The following SMYD3 variants were observed in gnomAD, a reference collection of about 807,000 sequenced individuals.
SMYD3 encodes the protein SET and MYND domain containing 3, also known as histone-lysine N-methyltransferase SMYD3.
Under a neutral mutation model 57.7 loss-of-function variants are expected in SMYD3, and 36 were observed. The observed-to-expected ratio is 0.62, with a 90% CI of 0.48 to 0.82. SMYD3 has a LOEUF of 0.82. SMYD3 is among the 40% of genes least tolerant of loss of function. The pLI is 0.00. For synonymous variants in SMYD3, 211 were observed against 195.0 expected (o/e 1.08, Z -0.68); for missense variants, 515 against 538.8 (o/e 0.96, Z 0.44).
chr1:246,088,453 C>A (rs1453108005), intron 5 of SMYD3, among the ~76,000 whole-genome samples: 1 of 143,652 alleles, frequency 7.0e-6, no homozygotes, highest in Non-Finnish European at 1.5e-5. Context: ...ACTAAAAATA[C>A]AAAAAAATTA....
intron 7 of SMYD3, among the ~76,000 whole-genome samples, chr1:245,918,772 C>T (rs2055640336): frequency 6.6e-6 from 1 of 152,164 alleles, no homozygotes; most frequent in African/African-American, 2.4e-5. Context: ...TCCCTATGTC[C>T]CCTCTTGGGT....
chr1:246,281,202 G>A (rs1558374021), intron 5 of SMYD3, among the ~76,000 whole-genome samples: 1 of 152,180 alleles, frequency 6.6e-6, no homozygotes, highest in Admixed American at 6.5e-5. Context: ...GAAGGAAGTG[G>A]GGTCCCCATT....
At chr1:246,349,194 T>A (rs969903965) in intron 2 of SMYD3, among the ~76,000 whole-genome samples, 4 of 152,172 alleles carry the variant, frequency 2.6e-5, no homozygotes, top group Non-Finnish European at 5.9e-5. Flanking sequence ...AAATAAAAAC[T>A]TTCATTTTTC....
chr1:245,929,293 A>T (rs1190763794), intron 6 of SMYD3, among the ~76,000 whole-genome samples: 1 of 152,236 alleles, frequency 6.6e-6, no homozygotes. Context: ...GAAAGTCTAA[A>T]TTTGTATTTG....
chr1:245,868,988 T>C (rs542633119), intron 8 of SMYD3, among the ~76,000 whole-genome samples: 2 of 152,362 alleles, frequency 1.3e-5, no homozygotes, highest in South Asian at 2.1e-4. Flanking sequence ...TTACTGTTTT[T>C]TATCACAGTC....
At chr1:246,162,232 G>A (rs1418394126) in intron 5 of SMYD3, among the ~76,000 whole-genome samples, 2 of 152,158 alleles carry the variant, frequency 1.3e-5, no homozygotes, top group African/African-American at 4.8e-5. Flanking sequence ...AGTGAAAAGA[G>A]AGTCTTACCT....
At chr1:246,206,062 C>T (rs897570787) in intron 5 of SMYD3, among the ~76,000 whole-genome samples, 13 of 152,020 alleles carry the variant, frequency 8.6e-5, no homozygotes, top group African/African-American at 1.5e-4. Context: ...TGGCAAGGAT[C>T]GGGCTTTCTA....
intron 5 of SMYD3, among the ~76,000 whole-genome samples, chr1:246,228,456 G>A (rs1005316304): frequency 6.6e-6 from 1 of 152,166 alleles, no homozygotes; most frequent in South Asian, 2.1e-4. Context: ...CCAACATTTT[G>A]AGGCATAAGA....
At chr1:246,412,457 G>T (rs1034818665) in intron 1 of SMYD3, among the ~76,000 whole-genome samples, 1 of 151,746 alleles carries the variant, frequency 6.6e-6, no homozygotes, top group East Asian at 1.9e-4. Flanking sequence ...GCTAAAAATA[G>T]TTCAGCCATT....
intron 10 of SMYD3, among the ~76,000 whole-genome samples, chr1:245,784,511 A>C (rs1193425739): frequency 6.6e-6 from 1 of 152,180 alleles, no homozygotes; most frequent in African/African-American, 2.4e-5. Flanking sequence ...GCTGCAGCTC[A>C]AAGATCTATT....
chr1:246,392,106 C>CT (rs948429976), intron 1 of SMYD3, among the ~76,000 whole-genome samples: 5 of 151,548 alleles, frequency 3.3e-5, no homozygotes, highest in African/African-American at 4.8e-5. Flanking sequence ...GACTTTCATC[C>CT]TTTTTTTTTC....
chr1:246,359,886 C>G (rs1324733966), intron 1 of SMYD3, among the ~76,000 whole-genome samples: 1 of 152,064 alleles, frequency 6.6e-6, no homozygotes, highest in Admixed American at 6.5e-5. Flanking sequence ...AATCATTCCC[C>G]CTGAGAAATG....
At chr1:246,489,915 C>A (rs1407898615) in intron 1 of SMYD3, among the ~76,000 whole-genome samples, 1 of 151,894 alleles carries the variant, frequency 6.6e-6, no homozygotes, top group East Asian at 1.9e-4. Flanking sequence ...GCAGCCTCAA[C>A]CCCCCAGGCT....
intron 7 of SMYD3, among the ~76,000 whole-genome samples, chr1:245,924,526 G>A (rs1397109263): frequency 6.6e-6 from 1 of 152,158 alleles, no homozygotes; most frequent in African/African-American, 2.4e-5. Flanking sequence ...AGCTCTCCTT[G>A]TGTGAGGTTT....
At chr1:246,025,076 G>T (rs1346710839) in intron 5 of SMYD3, among the ~76,000 whole-genome samples, 3 of 146,004 alleles carry the variant, frequency 2.1e-5, no homozygotes, top group Non-Finnish European at 4.5e-5. Flanking sequence ...ATCTAGGAAG[G>T]GAGATACAGG....
chr1:246,493,317 TAAAA>T (rs1365554876), intron 1 of SMYD3, among the ~76,000 whole-genome samples: 1 of 151,430 alleles, frequency 6.6e-6, no homozygotes, highest in Non-Finnish European at 1.5e-5. Flanking sequence ...AATAAATAAA[TAAAA>T]AGAAAGAGGA....
intron 1 of SMYD3, among the ~76,000 whole-genome samples, chr1:246,425,011 G>C (rs1453193753): frequency 6.6e-6 from 1 of 152,094 alleles, no homozygotes; most frequent in African/African-American, 2.4e-5. Flanking sequence ...GAGATAAATG[G>C]AGCAAAATAA....
At chr1:245,826,739 T>C (rs945128761) in intron 10 of SMYD3, among the ~76,000 whole-genome samples, 3 of 152,106 alleles carry the variant, frequency 2.0e-5, no homozygotes, top group African/African-American at 4.8e-5. Context: ...AAACTTAAGA[T>C]CACGGCAAAG....
chr1:246,293,289 G>A (rs538543322), intron 5 of SMYD3, among the ~76,000 whole-genome samples: 3 of 152,222 alleles, frequency 2.0e-5, no homozygotes, highest in East Asian at 1.9e-4. Context: ...CAAATCATTC[G>A]CTTGCTACCT....
Sources: allele counts gnomAD v4.1 joint callset (sites outside exome capture counted in the v4.1 genomes callset), GRCh38; gene constraint gnomAD v4.1.1; transcripts MANE v1.5; gene names NCBI Gene and HGNC (gene_info 2026-07-23, HGNC 2026-07-21).